The following CCDC146 variants were observed in gnomAD, a reference collection of about 807,000 sequenced individuals.
CCDC146 encodes the protein coiled-coil domain-containing protein 146.
In CCDC146, 92 loss-of-function variants were observed where a neutral mutation model predicts 119.3. The observed-to-expected ratio is 0.77, with a 90% CI of 0.65 to 0.92. CCDC146 has a LOEUF of 0.92. CCDC146 is among the 40% of genes least tolerant of loss of function. CCDC146 has a pLI of 0.00. For synonymous variants in CCDC146, 372 were observed against 371.8 expected (o/e 1.00, Z -0.01); for missense variants, 1,000 against 1,103.0 (o/e 0.91, Z 1.32).
chr7:77,249,574 A>G (rs1793019657), intron 4 of CCDC146, among the ~76,000 whole-genome samples: 1 of 143,222 alleles, frequency 7.0e-6, no homozygotes, highest in South Asian at 2.4e-4. Flanking sequence ...TTTGTCTCTG[A>G]TAACTTTTTC....
At chr7:77,198,310 C>T (rs918823464) in intron 2 of CCDC146, 2 of 985,366 alleles carry the variant, frequency 2.0e-6, no homozygotes, top group Non-Finnish European at 2.4e-6. Context: ...TTCAACCTCA[C>T]GTTCATGGTA....
chr7:77,240,718 C>T (rs973609018), intron 3 of CCDC146, among the ~76,000 whole-genome samples: 1 of 152,084 alleles, frequency 6.6e-6, no homozygotes, highest in Non-Finnish European at 1.5e-5. Context: ...ACGAAGTTCC[C>T]GTCTATCCTT....
Position 77,278,840 on chromosome 7 carries a change from G to A in CCDC146, c.1529G>A (p.Arg510Lys). The A allele has an allele frequency of 6.2e-7, 1 of 1,609,094 alleles. No homozygotes were observed. Residue 510 changes from arginine to lysine, a missense_variant and splice_region_variant, in exon 12 of 19, where the codon AGA (arginine) becomes AAA (lysine). This residue lies in a region of CCDC146 where 985 missense variants were observed against 1,045.3 expected (regional missense o/e 0.94). Transcript: ENST00000285871. ...AAGAAAAAATGTGAAATTTATCGGA[G>A]GTAAAGTAATTATGTGGTGTTTTAT... ...HKKKKCEIYR[R>K]LREFAKLYDT...
At chr7:77,288,820 A>G (rs1291105230) in intron 17 of CCDC146, among the ~76,000 whole-genome samples, 1 of 152,242 alleles carries the variant, frequency 6.6e-6, no homozygotes, top group Non-Finnish European at 1.5e-5. Context: ...TCCTGAGGGC[A>G]GCAGCTGTTC....
At chr7:77,233,514 GC>G (rs11312735) in intron 2 of CCDC146, among the ~76,000 whole-genome samples, 142,454 of 152,230 alleles carry the variant, frequency 0.94, 66,791 homozygotes, top group African/African-American at 0.98. Flanking sequence ...TAAATCAGCA[GC>G]CCCCCAACCT....
At chr7:77,193,276 T>C (rs1358122199) in intron 2 of CCDC146, 3 of 152,242 alleles carry the variant, frequency 2.0e-5, no homozygotes, top group Admixed American at 6.5e-5. Context: ...TTCTTGTTAA[T>C]GAAATAGTAC....
chr7:77,259,977 T>A lies in CCDC146; in HGVS notation c.759-32T>A, dbSNP rs528968564. On this transcript the variant is annotated intron_variant, in intron 7 of 18. Transcript: ENST00000285871. ...GTGTGTGTGTGTGTGTGTGTGTGTGTGTGTGTGTGTGTGTGTGTGTATCCC... is the reference window on the plus strand; with the variant it reads ...GTGTGTGTGTGTGTGTGTGTGTGTGAGTGTGTGTGTGTGTGTGTGTATCCC... 9 of 641,630 alleles carry A rather than the reference T, an allele frequency of 1.4e-5. No homozygotes were observed. In the African/African-American group the frequency reaches 1.8e-4, roughly 13 times the overall value. The allele number at this position is 641,630 out of a possible 1,614,324, so 39.7% of individuals were successfully genotyped here.
At chr7:77,278,692 G>A in intron 11 of CCDC146, 60 bp from the exon 12 acceptor site, 3 of 1,136,872 alleles carry the variant, frequency 2.6e-6, no homozygotes, top group Non-Finnish European at 3.9e-6. Context: ...GAATGATGTG[G>A]GATAAATCTG....
At chr7:77,125,721 A>G (rs1308707994) in intron 1 of CCDC146, among the ~76,000 whole-genome samples, 1 of 152,092 alleles carries the variant, frequency 6.6e-6, no homozygotes, top group African/African-American at 2.4e-5. Context: ...GAATTCAGCA[A>G]TTTAGCTTAA....
intron 2 of CCDC146, among the ~76,000 whole-genome samples, chr7:77,189,156 T>G (rs1277246026): frequency 1.3e-5 from 2 of 152,112 alleles, no homozygotes; most frequent in African/African-American, 2.4e-5. Flanking sequence ...TGTTCAAAAC[T>G]TCTGATTCCA....
Position 77,260,206 on chromosome 7 carries a change from G to A in CCDC146, c.956G>A (p.Arg319Lys). 1 of 1,613,410 alleles carries A rather than the reference G, an allele frequency of 6.2e-7. No individual in the cohort carries two copies. The change falls in exon 8 of 19, where the codon AGA (arginine) becomes AAA (lysine). Residue 319 changes from arginine to lysine, a missense_variant. Physicochemically the swap from Arg to Lys is conservative, Grantham distance 26. Coordinates refer to ENST00000285871, the MANE Select transcript of CCDC146 (RefSeq NM_020879.3). ...NQLVKLLELARENEATSLTER... is the reference protein window; with the variant it reads ...NQLVKLLELAKENEATSLTER... The stretch of plus-strand genomic sequence containing the variant: ...TTGGTCAAGCTATTGGAATTAGCCA[G>A]AGAGAATGAAGCAACTTCATTAACT...
chr7:77,181,358 G>GTGTA (rs1791586086), intron 2 of CCDC146, among the ~76,000 whole-genome samples: 2 of 152,188 alleles, frequency 1.3e-5, no homozygotes, highest in Non-Finnish European at 2.9e-5. Context: ...GTCAGTGGGG[G>GTGTA]TGTAGACTCT....
At chr7:77,218,218 G>T (rs3095476) in intron 2 of CCDC146, among the ~76,000 whole-genome samples, 66,632 of 151,562 alleles carry the variant, frequency 0.44, 17,212 homozygotes, top group African/African-American at 0.72. Flanking sequence ...ACTGTATGTA[G>T]GTATGTGTGT....
At chr7:77,198,720 GA>G (rs748693172) in intron 2 of CCDC146, 115 of 165,828 alleles carry the variant, frequency 6.9e-4, no homozygotes, top group Non-Finnish European at 1.2e-3. Flanking sequence ...TTGGGATTAA[GA>G]ACTAGATTAC....
intron 2 of CCDC146, chr7:77,199,497 G>T: frequency 1.2e-6 from 2 of 1,614,070 alleles, no homozygotes; most frequent in Non-Finnish European, 1.7e-6. Context: ...CCTGCAGCTT[G>T]CAGTCTTGGC....
intron 2 of CCDC146, among the ~76,000 whole-genome samples, chr7:77,171,345 A>G (rs1256380298): frequency 6.6e-6 from 1 of 152,194 alleles, no homozygotes; most frequent in African/African-American, 2.4e-5. Context: ...ACTGTGATAA[A>G]ACTTAATGAT....
chr7:77,196,824 C>G lies in CCDC146; in HGVS notation c.156+29000C>G, dbSNP rs1434859574. On this transcript the variant is annotated intron_variant, in intron 2 of 18. Transcript: ENST00000285871. The surrounding 1 kb of genome is among the most constrained non-coding windows in gnomAD (Gnocchi z 4.2). The stretch of plus-strand genomic sequence containing the variant: ...GTTCTGGTGAAGTTGGTGCTCCCAT[C>G]GAGACGTGCCTGCAGCACTGTCCAG... 6.2e-7 allele frequency: 1 copy of G among 1,614,116 alleles called. No homozygotes were observed. The highest frequency in any genetic ancestry group is 8.5e-7 in the Non-Finnish European group (1 of 1,180,018).
intron 9 of CCDC146, among the ~76,000 whole-genome samples, chr7:77,264,712 C>T (rs1486874247): frequency 1.3e-5 from 2 of 151,868 alleles, no homozygotes; most frequent in Non-Finnish European, 2.9e-5. Flanking sequence ...ATATATTTGT[C>T]CTTATTCTGT....
intron 1 of CCDC146, among the ~76,000 whole-genome samples, chr7:77,142,765 T>C (rs1243312114): frequency 6.6e-6 from 1 of 151,806 alleles, no homozygotes; most frequent in Admixed American, 6.6e-5. Context: ...TATGGCTGCA[T>C]AGTATTCCAT....
Sources: allele counts gnomAD v4.1 joint callset (sites outside exome capture counted in the v4.1 genomes callset), GRCh38; gene constraint gnomAD v4.1.1; regional missense constraint gnomAD v4.1.1; non-coding constraint Gnocchi (gnomAD v3.1); transcripts MANE v1.5; gene names NCBI Gene and HGNC (gene_info 2026-07-23, HGNC 2026-07-21).